The following PDE12 variants were observed in gnomAD, a reference collection of about 807,000 sequenced individuals.
The protein encoded by PDE12 is phosphodiesterase 12, also known as 2',5'-phosphodiesterase 12.
A neutral mutation model predicts 45.4 loss-of-function variants in PDE12; 26 were observed. The ratio of observed to expected loss-of-function variants is 0.57; its 90% confidence interval spans 0.42 to 0.79. PDE12 has a LOEUF of 0.79. Among genes scored for constraint, PDE12 ranks in the 30% least tolerant of loss-of-function variants. The probability of loss-of-function intolerance (pLI) is 0.00; values close to 1 mark genes in which losing one functional copy is unlikely to be tolerated. For synonymous variants in PDE12, 283 were observed against 323.9 expected, an observed-to-expected ratio of 0.87 and a Z score of 1.36; for missense variants, 668 against 790.0, an observed-to-expected ratio of 0.85 and a Z score of 1.85.
chr3:57,642,037 G>C, the PDE12 span, among the ~76,000 whole-genome samples: 1 of 152,066 alleles, frequency 6.6e-6, no homozygotes, highest in Non-Finnish European at 1.5e-5. Flanking sequence ...ACAATTAGCC[G>C]AGCGCGGTGA....
the PDE12 span, among the ~76,000 whole-genome samples, chr3:57,611,076 A>T: frequency 6.6e-6 from 1 of 151,578 alleles, no homozygotes; most frequent in South Asian, 2.1e-4. Flanking sequence ...CTCAGAAATA[A>T]TACACATCTA....
At chr3:57,614,358 A>C in the PDE12 span, among the ~76,000 whole-genome samples, 1 of 152,122 alleles carries the variant, frequency 6.6e-6, no homozygotes, top group Non-Finnish European at 1.5e-5. Context: ...TAACAAAAAG[A>C]TATTTGGAAA....
At chr3:57,582,379 A>T in the PDE12 span, among the ~76,000 whole-genome samples, 5 of 151,824 alleles carry the variant, frequency 3.3e-5, no homozygotes, top group South Asian at 1.0e-3. Flanking sequence ...AGTAGCTGGG[A>T]TCACAGGTGC....
chr3:57,612,983 C>T, the PDE12 span, among the ~76,000 whole-genome samples: 2 of 151,920 alleles, frequency 1.3e-5, no homozygotes, highest in Non-Finnish European at 2.9e-5. Flanking sequence ...CATACAAAAA[C>T]CTTTTTCTTT....
chr3:57,630,401 CA>C, the PDE12 span: 1 of 1,563,228 alleles, frequency 6.4e-7, no homozygotes, highest in African/African-American at 1.4e-5. Context: ...AATCATTACA[CA>C]AACACACAGT....
chr3:57,622,115 G>A, the PDE12 span, among the ~76,000 whole-genome samples: 1 of 152,220 alleles, frequency 6.6e-6, no homozygotes, highest in South Asian at 2.1e-4. Flanking sequence ...GGTGGAGGTT[G>A]CGGTGAGCCA....
At chr3:57,575,744 T>C in the PDE12 span, 1 of 1,461,912 alleles carries the variant, frequency 6.8e-7, no homozygotes, top group Non-Finnish European at 9.2e-7. Flanking sequence ...TTCCTATATA[T>C]ACTTTACTCA....
At chr3:57,653,166 G>A in the PDE12 span, among the ~76,000 whole-genome samples, 13 of 152,196 alleles carry the variant, frequency 8.5e-5, no homozygotes, top group East Asian at 2.5e-3. Context: ...CTGTTGGTTT[G>A]TAAAAATAAG....
chr3:57,600,592 T>G, the PDE12 span, among the ~76,000 whole-genome samples: 1 of 151,848 alleles, frequency 6.6e-6, no homozygotes, highest in Admixed American at 6.6e-5. Flanking sequence ...AGAGTTGGCG[T>G]TTTGTAGAGA....
At chr3:57,572,974 G>A in the PDE12 span, among the ~76,000 whole-genome samples, 18 of 151,802 alleles carry the variant, frequency 1.2e-4, no homozygotes, top group African/African-American at 4.1e-4. Context: ...AGGCTGAGGC[G>A]GATGGATCAT....
the PDE12 span, chr3:57,631,118 G>T: frequency 1.5e-6 from 1 of 662,342 alleles, no homozygotes; most frequent in Non-Finnish European, 2.6e-6. Flanking sequence ...CCCCACAAGA[G>T]ATATAGCTAA....
chr3:57,581,502 C>T, the PDE12 span, among the ~76,000 whole-genome samples: 1 of 152,274 alleles, frequency 6.6e-6, no homozygotes, highest in African/African-American at 2.4e-5. Context: ...TCATATCTAA[C>T]TCTTTCAAAA....
the PDE12 span, among the ~76,000 whole-genome samples, chr3:57,608,062 A>G: frequency 1.3e-5 from 2 of 152,236 alleles, no homozygotes; most frequent in Non-Finnish European, 2.9e-5. Context: ...TACAAGCCAG[A>G]AGAGAGTGGG....
intron 1 of PDE12, among the ~76,000 whole-genome samples, chr3:57,558,128 CT>C (rs2069686722): frequency 6.6e-6 from 1 of 152,116 alleles, no homozygotes; most frequent in East Asian, 1.9e-4. Context: ...AGTAAGTCCC[CT>C]ATTCCCATTT....
At chr3:57,654,569 AT>A in the PDE12 span, 1 of 919,216 alleles carries the variant, frequency 1.1e-6, no homozygotes, top group Non-Finnish European at 1.3e-6. Flanking sequence ...AGCAAATATC[AT>A]CAAGTAAAAT....
chr3:57,630,844 A>C, the PDE12 span: 5 of 1,610,180 alleles, frequency 3.1e-6, 1 homozygote, highest in South Asian at 5.5e-5. Flanking sequence ...AGGACATATA[A>C]TATTTAGAAA....
At chr3:57,623,285 TTTG>T in the PDE12 span, among the ~76,000 whole-genome samples, 2 of 151,924 alleles carry the variant, frequency 1.3e-5, no homozygotes, top group African/African-American at 4.8e-5. Context: ...AAAAAACTGA[TTTG>T]TTGAGTTCTA....
the PDE12 span, among the ~76,000 whole-genome samples, chr3:57,637,763 C>G: frequency 2.1e-5 from 2 of 94,286 alleles, no homozygotes; most frequent in Non-Finnish European, 4.4e-5. Flanking sequence ...ATAAATAAGA[C>G]TTCAAAAAAA....
chr3:57,601,543 C>T, the PDE12 span, among the ~76,000 whole-genome samples: 1 of 152,132 alleles, frequency 6.6e-6, no homozygotes, highest in African/African-American at 2.4e-5. Flanking sequence ...CAGATTCAGC[C>T]AATAGCAGAT....
Sources: gnomAD v4.1 joint callset for allele counts (sites outside exome capture counted in the v4.1 genomes callset) on GRCh38, gnomAD v4.1.1 for gene constraint, MANE v1.5 for transcripts, NCBI Gene and HGNC (gene_info 2026-07-23, HGNC 2026-07-21) for gene names.